Variants in ZDHHC17 observed in about 807,000 individuals in gnomAD.
ZDHHC17 encodes zDHHC palmitoyltransferase 17, also known as palmitoyltransferase ZDHHC17.
ZDHHC17 carries 40 observed loss-of-function variants against 90.3 expected under a neutral mutation model. The observed-to-expected ratio is 0.44, with a 90% CI of 0.34 to 0.58. The LOEUF (loss-of-function observed/expected upper bound fraction) is 0.58, where lower values mean the gene tolerates loss of function less well. Among genes scored for constraint, ZDHHC17 ranks in the 20% least tolerant of loss-of-function variants. The pLI, the probability that ZDHHC17 is intolerant of heterozygous loss-of-function variation, is 0.01. For synonymous variants in ZDHHC17, 235 were observed against 252.4 expected, an observed-to-expected ratio of 0.93 and a Z score of 0.65; for missense variants, 614 against 780.8, an observed-to-expected ratio of 0.79 and a Z score of 2.55.
intron 1 of ZDHHC17, among the ~76,000 whole-genome samples, chr12:76,784,191 T>C (rs1349159577): frequency 6.6e-6 from 1 of 152,218 alleles, no homozygotes; most frequent in East Asian, 1.9e-4. Flanking sequence ...GAAAAAACTA[T>C]ACAGGGATTT....
chr12:76,805,549 G>T, intron 3 of ZDHHC17, 110 bp downstream of exon 3: 1 of 1,005,526 alleles, frequency 9.9e-7, no homozygotes, highest in Non-Finnish European at 1.4e-6. Context: ...ATGGCTTTTA[G>T]AAGATAGATT....
chr12:76,806,751 A>G (rs1395638986), intron 3 of ZDHHC17, among the ~76,000 whole-genome samples: 2 of 152,204 alleles, frequency 1.3e-5, no homozygotes, highest in Non-Finnish European at 2.9e-5. Context: ...GAGCACAGGC[A>G]GTTCAACTAC....
Position 76,849,479 on chromosome 12 carries a change from A to G in ZDHHC17, c.1760+9A>G. 6.7e-7 allele frequency: 1 copy of G among 1,489,948 alleles called. No individual in the cohort carries two copies. Among genetic ancestry groups the G allele is most frequent in the Non-Finnish European group, 9.0e-7 (1 of 1,111,368 alleles). 92.3% of individuals were successfully genotyped at this position (1,489,948 alleles called of 1,614,324 possible). A position where few individuals can be genotyped will look rare whatever the true frequency, so the allele number is the denominator to read the frequency against. On this transcript the variant is annotated intron_variant, in intron 16 of 16. Transcript: ENST00000426126. Reference sequence around the variant, plus strand: ...ATTGAAAGCCCATTCAAGTATGTACATATTTATAAATTTAATATTTTACCT... The same window carrying G: ...ATTGAAAGCCCATTCAAGTATGTACGTATTTATAAATTTAATATTTTACCT...
At chr12:76,772,840 C>T (rs2126684) in intron 1 of ZDHHC17, among the ~76,000 whole-genome samples, 6,228 of 151,948 alleles carry the variant, frequency 0.041, 217 homozygotes, top group East Asian at 0.16. Flanking sequence ...CCACCGCGCC[C>T]GGCCTTAACG....
chr12:76,791,724 A>C (rs1344444403), intron 1 of ZDHHC17, among the ~76,000 whole-genome samples: 1 of 152,146 alleles, frequency 6.6e-6, no homozygotes, highest in Admixed American at 6.5e-5. Context: ...CACAAGACTG[A>C]AGTCCCCACT....
chr12:76,832,742 A>AGGGCTTCAGCTTG (rs1953318893), intron 10 of ZDHHC17, among the ~76,000 whole-genome samples: 1 of 152,110 alleles, frequency 6.6e-6, no homozygotes, highest in Non-Finnish European at 1.5e-5. Context: ...CACTGTGCTT[A>AGGGCTTCAGCTTG]AGGGCCCTTT....
chr12:76,785,677 G>T (rs192894169), intron 1 of ZDHHC17, among the ~76,000 whole-genome samples: 2 of 152,212 alleles, frequency 1.3e-5, no homozygotes, highest in Non-Finnish European at 2.9e-5. Context: ...CTTGAATTGT[G>T]AATTGAATTG....
intron 1 of ZDHHC17, among the ~76,000 whole-genome samples, chr12:76,777,563 GGTA>G (rs373865482): frequency 2.0e-5 from 3 of 152,292 alleles, no homozygotes; most frequent in Admixed American, 6.5e-5. Context: ...TGGGTCATAT[GGTA>G]GTTGCATGTT....
intron 10 of ZDHHC17, among the ~76,000 whole-genome samples, chr12:76,836,675 A>C (rs889531157): frequency 2.0e-5 from 3 of 152,186 alleles, no homozygotes; most frequent in Non-Finnish European, 4.4e-5. Context: ...GCTGCATTCC[A>C]TACAGAAGAT....
Position 76,797,554 on chromosome 12 carries a change from AGTT to A in ZDHHC17, c.197+21_197+23del. On this transcript the variant is annotated intron_variant, in intron 2 of 16. Transcript: ENST00000426126. ...GGCTACACAGTAAGGTTTTTGTTGT[AGTT>A]GTTTTCTTTGGCATGTGTATTTCAA... 3.9e-6 allele frequency: 6 copies of A among 1,554,864 alleles called. No individual in the cohort carries two copies. Among genetic ancestry groups the A allele is most frequent in the Non-Finnish European group, 4.4e-6 (5 of 1,148,110 alleles).
At chr12:76,827,314 G>T (rs902465945) in intron 9 of ZDHHC17, among the ~76,000 whole-genome samples, 4 of 152,062 alleles carry the variant, frequency 2.6e-5, no homozygotes, top group African/African-American at 9.7e-5. Context: ...CAGTAAAAGT[G>T]AATTTGAGTC....
chr12:76,824,326 T>TA (rs1255465744), intron 8 of ZDHHC17, among the ~76,000 whole-genome samples: 2 of 152,100 alleles, frequency 1.3e-5, no homozygotes, highest in African/African-American at 4.8e-5. Context: ...TTAAATATAT[T>TA]AAAATTTTTA....
rs970156558 is a variant in ZDHHC17 at position 76,851,045 on chromosome 12, G to A, written c.*60G>A. 57 of 1,604,248 alleles carry A rather than the reference G, an allele frequency of 3.6e-5. No individual in the cohort carries two copies. Among genetic ancestry groups the A allele is most frequent in the Non-Finnish European group, 4.5e-5 (53 of 1,174,682 alleles). On this transcript the variant is annotated 3_prime_UTR_variant, in exon 17 of 17. Transcript: ENST00000426126. ...GTGCCTGAAAATTGTGTCTGTCCGT[G>A]TCTTTCTCACACTCGAATCCACATC... is the stretch of plus-strand genomic sequence containing the variant.
chr12:76,775,728 G>A (rs555864529), intron 1 of ZDHHC17, among the ~76,000 whole-genome samples: 21 of 152,154 alleles, frequency 1.4e-4, no homozygotes, highest in Admixed American at 1.4e-3. Context: ...ACAATACCTG[G>A]CAAATAGTTA....
intron 16 of ZDHHC17, 82 bp downstream of exon 16, chr12:76,849,552 G>A (rs1953538679): frequency 7.5e-6 from 6 of 800,642 alleles, no homozygotes; most frequent in South Asian, 7.4e-5. Flanking sequence ...TTAGTGATAT[G>A]TAAAATAGCT....
intron 9 of ZDHHC17, 51 bp from the exon 10 acceptor site, chr12:76,828,338 AT>A (rs1468913607): frequency 1.3e-5 from 19 of 1,418,738 alleles, no homozygotes; most frequent in Non-Finnish European, 1.7e-5. Context: ...ATAAATACTC[AT>A]TTTTACAATG....
intron 5 of ZDHHC17, chr12:76,813,313 GA>G: frequency 2.2e-6 from 1 of 445,548 alleles, no homozygotes; most frequent in South Asian, 1.6e-5. Flanking sequence ...TAAGCCACAG[GA>G]TTATTTTAAA....
intron 1 of ZDHHC17, among the ~76,000 whole-genome samples, chr12:76,788,688 A>ATATATATTTTTTTT (rs61663401): frequency 2.0e-5 from 2 of 98,648 alleles, no homozygotes; most frequent in East Asian, 7.3e-4. Flanking sequence ...TGGAATCGCA[A>ATATATATTTTTTTT]TTTTTTTTTT....
At chr12:76,800,632 A>G (rs770868405) in intron 2 of ZDHHC17, among the ~76,000 whole-genome samples, 6 of 152,086 alleles carry the variant, frequency 3.9e-5, no homozygotes, top group Admixed American at 3.3e-4. Flanking sequence ...TCTTGATTTA[A>G]AGTTTATTGT....
Sources: allele counts gnomAD v4.1 joint callset (sites outside exome capture counted in the v4.1 genomes callset), GRCh38; gene constraint gnomAD v4.1.1; transcripts MANE v1.5; gene names NCBI Gene and HGNC (gene_info 2026-07-23, HGNC 2026-07-21).